TP73: variants seen among roughly 807,000 people sequenced by gnomAD.
TP73 encodes the protein tumor protein p73, also known as p53-like transcription factor.
In TP73, 25 loss-of-function variants were observed where a neutral mutation model predicts 62.5. The observed-to-expected ratio is 0.40, with a 90% CI of 0.29 to 0.56. TP73 has a LOEUF of 0.56. Among genes scored for constraint, TP73 ranks in the 20% least tolerant of loss-of-function variants. TP73 has a pLI of 0.46. For missense variants in TP73, 754 were observed against 913.3 expected (o/e 0.83, Z 2.25); for synonymous variants, 423 against 377.5 (o/e 1.12, Z -1.40).
chr1:3,700,924 A>G (rs1304839807), intron 3 of TP73, among the ~76,000 whole-genome samples: 1 of 152,188 alleles, frequency 6.6e-6, no homozygotes, highest in Non-Finnish European at 1.5e-5. Context: ...GATGGGGCCC[A>G]GCTCCCCTCC....
intron 4 of TP73, 94 bp from the exon 5 acceptor site, chr1:3,721,927 C>A: frequency 7.4e-7 from 1 of 1,349,318 alleles, no homozygotes; most frequent in Non-Finnish European, 1.0e-6. Flanking sequence ...GGAAGGGGCA[C>A]CCATGGGGAG....
chr1:3,679,773 C>T (rs1369719613), intron 1 of TP73, among the ~76,000 whole-genome samples: 2 of 138,106 alleles, frequency 1.4e-5, no homozygotes, highest in Admixed American at 7.6e-5. Flanking sequence ...TCTCTTTGTC[C>T]TTGTCTCTCT....
chr1:3,723,287 T>C, intron 5 of TP73, 67 bp from the exon 6 acceptor site: 1 of 1,330,176 alleles, frequency 7.5e-7, no homozygotes, highest in Non-Finnish European at 1.1e-6. Flanking sequence ...GCTGGGCACC[T>C]CTCTGCACCT....
At chr1:3,715,933 A>T (rs986134875) in intron 4 of TP73, among the ~76,000 whole-genome samples, 3 of 152,048 alleles carry the variant, frequency 2.0e-5, no homozygotes, top group African/African-American at 7.2e-5. Context: ...AGCAGGCTCC[A>T]GCTCCTGTGG....
At chr1:3,727,253 G>A (rs780484924) in intron 7 of TP73, 29 bp downstream of exon 7, 1 of 1,601,924 alleles carries the variant, frequency 6.2e-7, no homozygotes. Flanking sequence ...GGGTGGAGGT[G>A]GGACAGGGCT....
At chr1:3,653,889 G>A (rs1165572338) in intron 1 of TP73, among the ~76,000 whole-genome samples, 6 of 152,230 alleles carry the variant, frequency 3.9e-5, no homozygotes, top group African/African-American at 1.4e-4. Flanking sequence ...ATAAAAAGTT[G>A]GCTGGGCACG....
chr1:3,671,501 C>T (rs1316787442), intron 1 of TP73, among the ~76,000 whole-genome samples: 3 of 152,238 alleles, frequency 2.0e-5, no homozygotes, highest in Non-Finnish European at 4.4e-5. Context: ...GTCGGGAGCC[C>T]CCTTCGTGAC....
intron 1 of TP73, 99 bp from the exon 2 acceptor site, chr1:3,682,234 C>T: frequency 1.1e-6 from 1 of 873,556 alleles, no homozygotes; most frequent in African/African-American, 1.7e-5. Context: ...AGGGATGCCC[C>T]AGGCAGGCCC....
intron 3 of TP73, among the ~76,000 whole-genome samples, chr1:3,706,236 C>T (rs944796102): frequency 2.0e-5 from 3 of 152,204 alleles, no homozygotes; most frequent in South Asian, 2.1e-4. Context: ...CTGCTGGGGC[C>T]GCTAGATCAC....
At chr1:3,687,938 C>T (rs577845695) in intron 3 of TP73, among the ~76,000 whole-genome samples, 14 of 152,256 alleles carry the variant, frequency 9.2e-5, no homozygotes, top group African/African-American at 3.1e-4. Context: ...GCTTGAGACC[C>T]TAGAGGTCAC....
chr1:3,712,834 C>A (rs376431013), intron 4 of TP73, among the ~76,000 whole-genome samples: 1 of 152,168 alleles, frequency 6.6e-6, no homozygotes, highest in Non-Finnish European at 1.5e-5. Context: ...AGAGCCGGAC[C>A]TGGCCCCAGC....
chr1:3,717,623 GCC>G (rs1393816327), intron 4 of TP73, among the ~76,000 whole-genome samples: 1 of 152,188 alleles, frequency 6.6e-6, no homozygotes, highest in African/African-American at 2.4e-5. Flanking sequence ...TCCTCCTCCT[GCC>G]CGTTTTCCAC....
At chr1:3,709,540 C>T (rs1028022934) in intron 4 of TP73, among the ~76,000 whole-genome samples, 19 of 152,166 alleles carry the variant, frequency 1.2e-4, no homozygotes, top group South Asian at 4.1e-4. Flanking sequence ...TGAGTGGTTC[C>T]GTGGCAGCTG....
At position 3,711,060 on chromosome 1, in the gene TP73, G is replaced by A. The variant is rs1570559228; in HGVS notation, c.429+3269G>A. Among the ~76,000 whole-genome samples the A allele has an allele frequency of 2.0e-5, 3 of 152,348 alleles. No homozygotes were observed. In the East Asian group the frequency reaches 5.8e-4, roughly 29 times the overall value. On this transcript the variant is annotated intron_variant, in intron 4 of 13. Coordinates refer to ENST00000378295, the MANE Select transcript of TP73 (RefSeq NM_005427.4). ...GAGAGGGGTGGAGCTGGCGTCTGCTGGGGTCCCAATCCCAGAGCTGCCCGT... is the reference window on the plus strand; with the variant it reads ...GAGAGGGGTGGAGCTGGCGTCTGCTAGGGTCCCAATCCCAGAGCTGCCCGT...
intron 1 of TP73, among the ~76,000 whole-genome samples, chr1:3,680,587 C>T (rs755321887): frequency 6.6e-6 from 1 of 152,210 alleles, no homozygotes; most frequent in African/African-American, 2.4e-5. Flanking sequence ...CACTTGTGCC[C>T]ACCCAGCCTT....
chr1:3,671,352 C>G (rs1265967526), intron 1 of TP73, among the ~76,000 whole-genome samples: 3 of 152,208 alleles, frequency 2.0e-5, no homozygotes, highest in Admixed American at 2.0e-4. Context: ...CTGTTCCTGC[C>G]TCTCCCTGAC....
intron 1 of TP73, among the ~76,000 whole-genome samples, chr1:3,676,512 GC>G (rs1369266242): frequency 9.9e-5 from 15 of 151,800 alleles, no homozygotes; most frequent in African/African-American, 1.9e-4. Flanking sequence ...GGGACAGGGG[GC>G]TGTGGCTTTC....
Position 3,701,949 on chromosome 1 carries a change from T to A in TP73, c.187-5600T>A, listed in dbSNP as rs1050770721. Among the ~76,000 whole-genome samples the A allele has an allele frequency of 6.6e-6, 1 of 152,096 alleles. No individual in the cohort carries two copies. Among genetic ancestry groups the A allele is most frequent in the African/African-American group, 2.4e-5 (1 of 41,426 alleles). On this transcript the variant is annotated intron_variant, in intron 3 of 13. Coordinates refer to ENST00000378295, the MANE Select transcript of TP73 (RefSeq NM_005427.4). This position sits in a 1 kb window ranked among gnomAD's most constrained non-coding sequence, Gnocchi z 4.7. Reference sequence around the variant, plus strand: ...TCAGAGCCCTGCTTGGCCCCCCAGGTCCCTGGGAGGTCTCTCCTGCCCCTC... The same window carrying A: ...TCAGAGCCCTGCTTGGCCCCCCAGGACCCTGGGAGGTCTCTCCTGCCCCTC...
intron 4 of TP73, among the ~76,000 whole-genome samples, chr1:3,719,694 A>C (rs1640898527): frequency 6.6e-6 from 1 of 152,150 alleles, no homozygotes; most frequent in Admixed American, 6.5e-5. Context: ...TGTGGGGAGC[A>C]AAGGGGGCAT....
Sources: allele counts gnomAD v4.1 joint callset (sites outside exome capture counted in the v4.1 genomes callset), GRCh38; gene constraint gnomAD v4.1.1; non-coding constraint Gnocchi (gnomAD v3.1); transcripts MANE v1.5; gene names NCBI Gene and HGNC (gene_info 2026-07-23, HGNC 2026-07-21).